Variants in DLGAP2 observed in about 807,000 individuals in gnomAD.
DLGAP2 encodes disks large-associated protein 2.
A neutral mutation model predicts 100.3 loss-of-function variants in DLGAP2; 26 were observed. The observed-to-expected ratio is 0.26, with a 90% CI of 0.19 to 0.36. The LOEUF (loss-of-function observed/expected upper bound fraction) is 0.36, where lower values mean the gene tolerates loss of function less well. Among genes scored for constraint, DLGAP2 ranks in the 10% least tolerant of loss-of-function variants. The probability of loss-of-function intolerance (pLI) is 1.00; values close to 1 mark genes in which losing one functional copy is unlikely to be tolerated. For synonymous variants in DLGAP2, 886 were observed against 630.1 expected, an observed-to-expected ratio of 1.41 and a Z score of -6.08; for missense variants, 1,858 against 1,453.2, an observed-to-expected ratio of 1.28 and a Z score of -4.53.
intron 5 of DLGAP2, among the ~76,000 whole-genome samples, chr8:1,564,606 A>G (rs1300537171): frequency 6.6e-6 from 1 of 152,168 alleles, no homozygotes; most frequent in Non-Finnish European, 1.5e-5. Flanking sequence ...ATAGGTGCTC[A>G]CCTCTGTGCC....
At chr8:1,598,097 C>A (rs1446503234) in intron 6 of DLGAP2, among the ~76,000 whole-genome samples, 1 of 152,182 alleles carries the variant, frequency 6.6e-6, no homozygotes, top group Non-Finnish European at 1.5e-5. Flanking sequence ...TTATTGCAGG[C>A]CTTCTCTACA....
At chr8:1,234,895 C>G (rs779843887) in intron 2 of DLGAP2, among the ~76,000 whole-genome samples, 12 of 152,330 alleles carry the variant, frequency 7.9e-5, no homozygotes, top group Non-Finnish European at 1.5e-4. Context: ...GGAGCTCCCT[C>G]TCACGTGGCG....
intron 2 of DLGAP2, among the ~76,000 whole-genome samples, chr8:1,041,099 G>A (rs1802334523): frequency 6.6e-6 from 1 of 152,124 alleles, no homozygotes; most frequent in South Asian, 2.1e-4. Context: ...TTTCCTAAGG[G>A]GAGGTATCTG....
intron 1 of DLGAP2, among the ~76,000 whole-genome samples, chr8:817,762 A>G (rs890079951): frequency 2.6e-5 from 4 of 152,162 alleles, no homozygotes; most frequent in African/African-American, 2.4e-5. Context: ...CGGTGGAGCT[A>G]CTAGGCTCTG....
At chr8:1,181,062 A>T (rs1473699240) in intron 2 of DLGAP2, among the ~76,000 whole-genome samples, 2 of 31,946 alleles carry the variant, frequency 6.3e-5, no homozygotes, top group African/African-American at 2.7e-4. Flanking sequence ...CTTACTGTCG[A>T]GTGTGGGTGG....
rs1048644388 is a variant in DLGAP2 at position 1,189,332 on chromosome 8, G to T, written c.74-69519G>T. Among the ~76,000 whole-genome samples, 60 of 152,340 alleles carry T rather than the reference G, an allele frequency of 3.9e-4. 1 individual carries two copies. Among genetic ancestry groups the T allele is most frequent in the Non-Finnish European group, 5.1e-4 (35 of 68,040 alleles). On this transcript the variant is annotated intron_variant, in intron 2 of 14. Transcript: ENST00000637795. ...GCGGGAGACCCAGGAGCCCATCGTA[G>T]GAGTCACACATCCAGCAGGAAGATA...
intron 1 of DLGAP2, among the ~76,000 whole-genome samples, chr8:825,562 A>T (rs2132693224): frequency 1.3e-5 from 2 of 152,202 alleles, no homozygotes; most frequent in South Asian, 4.2e-4. Flanking sequence ...ATTATCTCTA[A>T]CGACATCATC....
chr8:1,146,437 C>CAG, intron 2 of DLGAP2, among the ~76,000 whole-genome samples: 1 of 152,148 alleles, frequency 6.6e-6, no homozygotes, highest in East Asian at 1.9e-4. Context: ...CTTTGATGAT[C>CAG]AGAGGTTCTT....
At chr8:740,896 G>C (rs1025608404) in intron 1 of DLGAP2, among the ~76,000 whole-genome samples, 1 of 152,104 alleles carries the variant, frequency 6.6e-6, no homozygotes, top group African/African-American at 2.4e-5. Flanking sequence ...TCATTCATTG[G>C]ATACAATAAA....
At chr8:940,415 G>C (rs1799168900) in intron 2 of DLGAP2, among the ~76,000 whole-genome samples, 1 of 152,022 alleles carries the variant, frequency 6.6e-6, no homozygotes, top group African/African-American at 2.4e-5. Flanking sequence ...AAGCCCAGGA[G>C]TTCCCTGTGA....
chr8:1,055,734 C>T (rs1802863622), intron 2 of DLGAP2, among the ~76,000 whole-genome samples: 1 of 152,216 alleles, frequency 6.6e-6, no homozygotes, highest in Non-Finnish European at 1.5e-5. Context: ...CGGGAATCGG[C>T]AGCCAGCACC....
intron 2 of DLGAP2, among the ~76,000 whole-genome samples, chr8:994,504 G>GT (rs1462995719): frequency 1.3e-5 from 2 of 152,164 alleles, no homozygotes; most frequent in Non-Finnish European, 2.9e-5. Context: ...CCAGCCTGGT[G>GT]TTTTTTAATA....
At chr8:1,316,877 G>A (rs573929018) in intron 3 of DLGAP2, among the ~76,000 whole-genome samples, 8 of 135,310 alleles carry the variant, frequency 5.9e-5, no homozygotes, top group African/African-American at 2.1e-4. Context: ...CGAGAAACTC[G>A]GCAGCTTTTA....
Position 1,706,186 on chromosome 8 carries a change from G to C in DLGAP2, c.*4780G>C, listed in dbSNP as rs1339799765. ...ATGTTCTGGAAATGAAGGAGATATT[G>C]CTAGGAATCTCTAGGCTGTTAGGCA... On this transcript the variant is annotated 3_prime_UTR_variant, in exon 15 of 15. Transcript: ENST00000637795. The C allele has an allele frequency of 6.6e-6, 1 of 152,238 alleles. No homozygotes were observed. The highest frequency in any genetic ancestry group is 2.4e-5 in the African/African-American group (1 of 41,466). The allele number at this position is 152,238 out of a possible 1,614,324, so 9.4% of individuals were successfully genotyped here.
chr8:1,650,312 C>A (rs1459351126), intron 8 of DLGAP2, among the ~76,000 whole-genome samples: 1 of 152,188 alleles, frequency 6.6e-6, no homozygotes, highest in Non-Finnish European at 1.5e-5. Flanking sequence ...AAGAGATAAT[C>A]ATGTTCAAAA....
At chr8:1,150,838 T>G (rs1195458459) in intron 2 of DLGAP2, among the ~76,000 whole-genome samples, 1 of 152,248 alleles carries the variant, frequency 6.6e-6, no homozygotes, top group Non-Finnish European at 1.5e-5. Context: ...TATCATTATT[T>G]GAAATATATT....
chr8:1,177,694 T>G (rs1379633726), intron 2 of DLGAP2, among the ~76,000 whole-genome samples: 1 of 152,142 alleles, frequency 6.6e-6, no homozygotes, highest in Non-Finnish European at 1.5e-5. Context: ...TTCTCACAGT[T>G]CTAGAGGCTG....
At chr8:1,623,848 T>G (rs190995020) in intron 6 of DLGAP2, among the ~76,000 whole-genome samples, 1 of 152,392 alleles carries the variant, frequency 6.6e-6, no homozygotes, top group Non-Finnish European at 1.5e-5. Flanking sequence ...TAGAAAATGT[T>G]AGCTATTGTG....
At chr8:1,081,023 G>T (rs375237117) in intron 2 of DLGAP2, among the ~76,000 whole-genome samples, 1 of 151,884 alleles carries the variant, frequency 6.6e-6, no homozygotes, top group East Asian at 1.9e-4. Flanking sequence ...TATTGTGTTT[G>T]GTATATTAAA....
Sources: allele counts gnomAD v4.1 joint callset (sites outside exome capture counted in the v4.1 genomes callset), GRCh38; gene constraint gnomAD v4.1.1; transcripts MANE v1.5; gene names NCBI Gene and HGNC (gene_info 2026-07-23, HGNC 2026-07-21).